DPP6: variants seen among roughly 807,000 people sequenced by gnomAD.
DPP6 encodes A-type potassium channel modulatory protein DPP6.
DPP6 carries 69 observed loss-of-function variants against 122.6 expected under a neutral mutation model. The observed-to-expected ratio is 0.56, with a 90% CI of 0.46 to 0.69. DPP6 has a LOEUF of 0.69. Ranked by LOEUF, DPP6 falls within the 30% of genes least tolerant of loss-of-function variation. The pLI, the probability that DPP6 is intolerant of heterozygous loss-of-function variation, is 0.00. For synonymous variants in DPP6, 418 were observed against 433.1 expected (o/e 0.97, Z 0.43); for missense variants, 928 against 1,116.9 (o/e 0.83, Z 2.41).
At chr7:154,408,770 T>C (rs996510642) in intron 1 of DPP6, among the ~76,000 whole-genome samples, 1 of 123,000 alleles carries the variant, frequency 8.1e-6, no homozygotes, top group Non-Finnish European at 1.8e-5. Flanking sequence ...CTTCCCCTGT[T>C]TTTTTTTTTT....
chr7:154,247,382 A>G (rs1380725581), intron 1 of DPP6, among the ~76,000 whole-genome samples: 2 of 152,228 alleles, frequency 1.3e-5, no homozygotes, highest in Admixed American at 6.5e-5. Context: ...GTGACAAAGG[A>G]CTTGTATCTA....
chr7:154,856,197 C>G (rs1333747530), intron 17 of DPP6, among the ~76,000 whole-genome samples: 1 of 152,242 alleles, frequency 6.6e-6, no homozygotes, highest in African/African-American at 2.4e-5. Context: ...GCTCTTCTTA[C>G]AAAAGTCATT....
intron 1 of DPP6, among the ~76,000 whole-genome samples, chr7:153,987,934 TG>T (rs1410676027): frequency 6.6e-6 from 1 of 152,032 alleles, no homozygotes; most frequent in Non-Finnish European, 1.5e-5. Flanking sequence ...AGTATGGAAT[TG>T]GTCAGCTTGG....
intron 7 of DPP6, among the ~76,000 whole-genome samples, chr7:154,684,186 C>T (rs998730873): frequency 2.6e-5 from 4 of 152,040 alleles, no homozygotes; most frequent in African/African-American, 9.7e-5. Flanking sequence ...CACTCTTAAT[C>T]CCCCACCCCT....
At chr7:154,669,539 TG>T (rs1428417942) in intron 7 of DPP6, 98 bp downstream of exon 7, 11 of 442 alleles carry the variant, frequency 0.025, no homozygotes, top group African/African-American at 0.052. Flanking sequence ...TACATGGTGT[TG>T]TGTGTGTGTG....
chr7:154,753,679 C>T (rs1247234479), intron 8 of DPP6, among the ~76,000 whole-genome samples: 1 of 152,144 alleles, frequency 6.6e-6, no homozygotes, highest in South Asian at 2.1e-4. Flanking sequence ...AGGCTAGTTC[C>T]GTAACCCGGG....
At chr7:154,758,914 G>T (rs1045402893) in intron 8 of DPP6, among the ~76,000 whole-genome samples, 3 of 152,190 alleles carry the variant, frequency 2.0e-5, no homozygotes, top group Non-Finnish European at 2.9e-5. Flanking sequence ...CGTCCTTCCC[G>T]TGAGAGCACG....
chr7:154,443,389 G>A (rs1211457780), intron 1 of DPP6, among the ~76,000 whole-genome samples: 4 of 152,276 alleles, frequency 2.6e-5, no homozygotes, highest in African/African-American at 9.6e-5. Context: ...AACTTCTGTT[G>A]ATAACAGTGT....
chr7:153,917,590 C>T (rs1800382460), intron 1 of DPP6, among the ~76,000 whole-genome samples: 1 of 152,102 alleles, frequency 6.6e-6, no homozygotes, highest in East Asian at 1.9e-4. Context: ...GCTAAGATTC[C>T]CTTTCAGTAA....
chr7:154,499,263 T>C (rs1278018506), intron 3 of DPP6, among the ~76,000 whole-genome samples: 1 of 152,118 alleles, frequency 6.6e-6, no homozygotes, highest in Non-Finnish European at 1.5e-5. Context: ...GATAAGGCAT[T>C]TCATGGATAC....
chr7:154,423,942 A>G (rs1175337855), intron 1 of DPP6, among the ~76,000 whole-genome samples: 2 of 152,244 alleles, frequency 1.3e-5, no homozygotes, highest in Admixed American at 6.5e-5. Flanking sequence ...CATAGACTCT[A>G]TAAAGAGCTT....
intron 1 of DPP6, among the ~76,000 whole-genome samples, chr7:154,059,946 G>A (rs10256676): frequency 6.7e-6 from 1 of 149,538 alleles, no homozygotes; most frequent in Non-Finnish European, 1.5e-5. Context: ...AACATAAAGG[G>A]CCCCCATTTT....
chr7:154,491,640 C>T (rs970745448), intron 3 of DPP6, among the ~76,000 whole-genome samples: 1 of 152,154 alleles, frequency 6.6e-6, no homozygotes, highest in African/African-American at 2.4e-5. Flanking sequence ...CTTATCCCAT[C>T]GCCATCCACC....
At chr7:154,398,650 T>G (rs781205193) in intron 1 of DPP6, among the ~76,000 whole-genome samples, 2 of 152,194 alleles carry the variant, frequency 1.3e-5, no homozygotes, top group Non-Finnish European at 2.9e-5. Context: ...CTGTTTTCAT[T>G]TTGCAAAGTG....
At chr7:154,031,543 A>G (rs1359970265) in intron 1 of DPP6, among the ~76,000 whole-genome samples, 2 of 151,986 alleles carry the variant, frequency 1.3e-5, no homozygotes, top group Non-Finnish European at 2.9e-5. Flanking sequence ...ATATCTTGAA[A>G]TACAACATAC....
At chr7:154,614,871 G>A (rs12667032) in intron 5 of DPP6, among the ~76,000 whole-genome samples, 3,239 of 152,256 alleles carry the variant, frequency 0.021, 157 homozygotes, top group East Asian at 0.19. Flanking sequence ...GTCAAATGTT[G>A]TTGTCTTCCA....
intron 5 of DPP6, among the ~76,000 whole-genome samples, chr7:154,600,010 C>G (rs1833338930): frequency 6.6e-6 from 1 of 152,194 alleles, no homozygotes; most frequent in Non-Finnish European, 1.5e-5. Flanking sequence ...CTTCATAAAA[C>G]TTTCTCATGG....
At chr7:154,450,049 TA>T (rs1820227905) in intron 2 of DPP6, among the ~76,000 whole-genome samples, 1 of 150,040 alleles carries the variant, frequency 6.7e-6, no homozygotes, top group Non-Finnish European at 1.5e-5. Context: ...AATAAATAAA[TA>T]AATAAATGTG....
chr7:154,753,601 G>A (rs1024417686), intron 8 of DPP6, among the ~76,000 whole-genome samples: 2 of 152,178 alleles, frequency 1.3e-5, no homozygotes, highest in African/African-American at 4.8e-5. Flanking sequence ...TGAAGCTCAC[G>A]TGCCAGTGTG....
Sources: gnomAD v4.1 joint callset for allele counts (sites outside exome capture counted in the v4.1 genomes callset) on GRCh38, gnomAD v4.1.1 for gene constraint, MANE v1.5 for transcripts, NCBI Gene and HGNC (gene_info 2026-07-23, HGNC 2026-07-21) for gene names.